Variants in ENTREP2 observed in about 807,000 individuals in gnomAD.
ENTREP2 encodes the protein endosomal transmembrane epsin interactor 2, also known as protein ENTREP2.
chr15:29,129,173 C>G, the ENTREP2 span, among the ~76,000 whole-genome samples: 1 of 152,226 alleles, frequency 6.6e-6, no homozygotes, highest in Non-Finnish European at 1.5e-5. Flanking sequence ...AAGCGATTCT[C>G]CTGCTTCAGC....
At chr15:29,150,949 G>C in the ENTREP2 span, among the ~76,000 whole-genome samples, 18,168 of 152,040 alleles carry the variant, frequency 0.12, 1,658 homozygotes, top group African/African-American at 0.26. Flanking sequence ...GAGACAGAGA[G>C]AGACAGACAC....
chr15:29,491,022 T>A, the ENTREP2 span, among the ~76,000 whole-genome samples: 2 of 152,068 alleles, frequency 1.3e-5, no homozygotes, highest in African/African-American at 4.8e-5. Flanking sequence ...CCCTGACCCG[T>A]GGGGAGGCGG....
chr15:29,160,884 T>C, the ENTREP2 span, among the ~76,000 whole-genome samples: 5 of 152,070 alleles, frequency 3.3e-5, no homozygotes, highest in Non-Finnish European at 5.9e-5. Flanking sequence ...AGTCAAGATA[T>C]AATGATAGAA....
At chr15:29,609,246 C>G in the ENTREP2 span, among the ~76,000 whole-genome samples, 2 of 150,130 alleles carry the variant, frequency 1.3e-5, no homozygotes, top group Non-Finnish European at 3.0e-5. Flanking sequence ...CTGGTTTATT[C>G]TTTATAACAG....
At chr15:29,409,516 G>A in the ENTREP2 span, among the ~76,000 whole-genome samples, 1 of 151,950 alleles carries the variant, frequency 6.6e-6, no homozygotes, top group African/African-American at 2.4e-5. Flanking sequence ...AGTAGAGACA[G>A]GTTTCACCAT....
the ENTREP2 span, among the ~76,000 whole-genome samples, chr15:29,436,256 T>C: frequency 6.6e-6 from 1 of 152,162 alleles, no homozygotes; most frequent in East Asian, 1.9e-4. Flanking sequence ...TCAGATTATC[T>C]TATATGTTAG....
chr15:29,626,932 CTT>C, the ENTREP2 span, among the ~76,000 whole-genome samples: 17 of 152,202 alleles, frequency 1.1e-4, no homozygotes, highest in East Asian at 1.9e-3. Flanking sequence ...TGTTGCCAGT[CTT>C]GAGATAATTT....
At chr15:29,497,609 T>G in the ENTREP2 span, among the ~76,000 whole-genome samples, 1 of 152,204 alleles carries the variant, frequency 6.6e-6, no homozygotes, top group Non-Finnish European at 1.5e-5. Flanking sequence ...TAGGATCCTT[T>G]GTAATCCTGT....
chr15:29,401,871 A>G, the ENTREP2 span, among the ~76,000 whole-genome samples: 12 of 152,244 alleles, frequency 7.9e-5, no homozygotes, highest in African/African-American at 2.9e-4. Flanking sequence ...AGCAAGACAC[A>G]GCCCAGTGTG....
chr15:29,631,034 A>G, the ENTREP2 span, among the ~76,000 whole-genome samples: 1 of 152,200 alleles, frequency 6.6e-6, no homozygotes, highest in African/African-American at 2.4e-5. Flanking sequence ...ATTCTCCGTC[A>G]TCTCTAAGCT....
At chr15:29,530,881 A>G in the ENTREP2 span, among the ~76,000 whole-genome samples, 2 of 152,188 alleles carry the variant, frequency 1.3e-5, no homozygotes, top group South Asian at 4.2e-4. Flanking sequence ...CCCAGAGCAG[A>G]CTCTGGCCAG....
chr15:29,649,029 C>T, the ENTREP2 span, among the ~76,000 whole-genome samples: 1 of 151,110 alleles, frequency 6.6e-6, no homozygotes, highest in East Asian at 1.9e-4. Context: ...GTAGCCCTTA[C>T]CAGAGCTGAT....
chr15:29,621,605 A>C, the ENTREP2 span, among the ~76,000 whole-genome samples: 4 of 150,954 alleles, frequency 2.6e-5, no homozygotes, highest in South Asian at 2.1e-4. Flanking sequence ...AAAAAAAAAA[A>C]AAACCCAGAA....
chr15:29,257,516 A>G, the ENTREP2 span, among the ~76,000 whole-genome samples: 2 of 152,188 alleles, frequency 1.3e-5, no homozygotes, highest in African/African-American at 4.8e-5. Context: ...TTTGGGATAT[A>G]TTCTTAGAAG....
At chr15:29,312,335 A>G in the ENTREP2 span, among the ~76,000 whole-genome samples, 1 of 67,238 alleles carries the variant, frequency 1.5e-5, no homozygotes, top group South Asian at 4.0e-4. Context: ...AACAAGCACC[A>G]AAAAAAAAAA....
chr15:29,505,033 A>G, the ENTREP2 span, among the ~76,000 whole-genome samples: 1 of 152,278 alleles, frequency 6.6e-6, no homozygotes, highest in South Asian at 2.1e-4. This position sits in a 1 kb window ranked among gnomAD's most constrained non-coding sequence, Gnocchi z 4.3. Flanking sequence ...AAAAATGTCC[A>G]ACAACTGTTT....
At chr15:29,439,277 T>G in the ENTREP2 span, among the ~76,000 whole-genome samples, 1 of 117,188 alleles carries the variant, frequency 8.5e-6, no homozygotes, top group African/African-American at 3.5e-5. Context: ...TGCTAGAAAA[T>G]TGGAATTACA....
chr15:29,496,180 T>C, the ENTREP2 span, among the ~76,000 whole-genome samples: 1 of 147,862 alleles, frequency 6.8e-6, no homozygotes, highest in Admixed American at 6.6e-5. Context: ...GACTGATTTC[T>C]TAATTTCTTT....
At chr15:29,386,831 A>T in the ENTREP2 span, among the ~76,000 whole-genome samples, 20,017 of 152,120 alleles carry the variant, frequency 0.13, 2,243 homozygotes, top group African/African-American at 0.3. Flanking sequence ...ATGCTTGTGA[A>T]TTTTGCACAT....
Sources: allele counts gnomAD v4.1 joint callset (sites outside exome capture counted in the v4.1 genomes callset), GRCh38; gene constraint gnomAD v4.1.1; non-coding constraint Gnocchi (gnomAD v3.1); transcripts MANE v1.5; gene names NCBI Gene and HGNC (gene_info 2026-07-23, HGNC 2026-07-21).